SYN3: variants seen among roughly 807,000 people sequenced by gnomAD.
The protein encoded by SYN3 is synapsin-3.
A neutral mutation model predicts 65.8 loss-of-function variants in SYN3; 35 were observed. That is an observed-to-expected ratio of 0.53 (90% CI 0.41 to 0.70). The LOEUF (loss-of-function observed/expected upper bound fraction) is 0.70. Ranked by LOEUF, SYN3 falls within the 30% of genes least tolerant of loss-of-function variation. SYN3 has a pLI of 0.00. For synonymous variants in SYN3, 270 were observed against 292.9 expected, an observed-to-expected ratio of 0.92 and a Z score of 0.80; for missense variants, 680 against 749.0, an observed-to-expected ratio of 0.91 and a Z score of 1.08.
intron 6 of SYN3, among the ~76,000 whole-genome samples, chr22:32,831,578 A>G (rs919438645): frequency 2.0e-5 from 3 of 152,196 alleles, no homozygotes; most frequent in Admixed American, 6.5e-5. Context: ...ACCAAGGACT[A>G]GCATATAATT....
chr22:32,804,152 A>T (rs1205875277), intron 6 of SYN3, among the ~76,000 whole-genome samples: 1 of 152,218 alleles, frequency 6.6e-6, no homozygotes, highest in Non-Finnish European at 1.5e-5. Flanking sequence ...ATCAAAAAGA[A>T]AAAAAGAAAC....
chr22:32,681,864 T>C (rs955296334), intron 6 of SYN3, among the ~76,000 whole-genome samples: 28 of 152,152 alleles, frequency 1.8e-4, no homozygotes, highest in Non-Finnish European at 4.1e-4. Flanking sequence ...AAAAGAGGTA[T>C]GAAATGAACT....
In SYN3 at chr22:32,778,954, C is replaced by T. The variant is rs1444298548; in HGVS notation, c.711+85961G>A. ...TTATTCCATAAATATTTATTGAGCACCTCTTACGTGCCCAGCTTGCCTTAG... is the reference window on the plus strand; with the variant it reads ...TTATTCCATAAATATTTATTGAGCATCTCTTACGTGCCCAGCTTGCCTTAG... On this transcript the variant is annotated intron_variant, in intron 6 of 13. Coordinates refer to ENST00000358763, the MANE Select transcript of SYN3 (RefSeq NM_003490.4). Among the ~76,000 whole-genome samples the T allele has an allele frequency of 3.9e-5, 6 of 152,168 alleles. No homozygotes were observed. The South Asian group carries it at 6.2e-4, about 16-fold the overall frequency.
chr22:32,652,646 C>G (rs751707447), intron 6 of SYN3, among the ~76,000 whole-genome samples: 1 of 152,036 alleles, frequency 6.6e-6, no homozygotes, highest in Admixed American at 6.6e-5. Context: ...GTCAGTTCCT[C>G]GGAATTTATG....
chr22:32,623,123 T>TG (rs1320560316), intron 6 of SYN3, among the ~76,000 whole-genome samples: 2 of 152,060 alleles, frequency 1.3e-5, no homozygotes, highest in African/African-American at 4.8e-5. Flanking sequence ...AGTGAGATTG[T>TG]GAACCCCAGG....
intron 1 of SYN3, among the ~76,000 whole-genome samples, chr22:33,019,266 G>A (rs2053521932): frequency 6.6e-6 from 1 of 152,188 alleles, no homozygotes; most frequent in Non-Finnish European, 1.5e-5. Context: ...TCTTCCAAAA[G>A]TCCATATCCT....
intron 4 of SYN3, among the ~76,000 whole-genome samples, chr22:32,875,541 G>C (rs1035823487): frequency 1.3e-5 from 2 of 152,166 alleles, no homozygotes; most frequent in Non-Finnish European, 2.9e-5. Flanking sequence ...ACCTTATTTG[G>C]AAAATAGGGC....
At chr22:32,594,248 C>G (rs1390357249) in intron 7 of SYN3, among the ~76,000 whole-genome samples, 1 of 152,182 alleles carries the variant, frequency 6.6e-6, no homozygotes, top group Non-Finnish European at 1.5e-5. Context: ...GGGTGCCACT[C>G]AGGGCTCTGG....
At chr22:32,970,824 TC>T (rs1314836965) in intron 3 of SYN3, among the ~76,000 whole-genome samples, 32 of 152,340 alleles carry the variant, frequency 2.1e-4, no homozygotes, top group African/African-American at 7.2e-4. Context: ...GGATACGTAC[TC>T]AAGCTGGAAG....
At chr22:32,715,418 A>G (rs1429322225) in intron 6 of SYN3, among the ~76,000 whole-genome samples, 2 of 152,202 alleles carry the variant, frequency 1.3e-5, no homozygotes, top group African/African-American at 2.4e-5. Flanking sequence ...CACTTTGGGA[A>G]TTGCTGATGT....
chr22:32,856,784 G>A (rs1204744891), intron 6 of SYN3, among the ~76,000 whole-genome samples: 1 of 152,056 alleles, frequency 6.6e-6, no homozygotes, highest in Non-Finnish European at 1.5e-5. Context: ...TCGTATTTTT[G>A]TACCCATTAA....
intron 1 of SYN3, among the ~76,000 whole-genome samples, chr22:33,009,816 TATA>T (rs2053305453): frequency 2.7e-5 from 2 of 73,364 alleles, no homozygotes; most frequent in Non-Finnish European, 6.1e-5. Flanking sequence ...ATAATATAAA[TATA>T]ATATATATAA....
At chr22:32,695,915 C>T (rs1160923820) in intron 6 of SYN3, among the ~76,000 whole-genome samples, 2 of 152,106 alleles carry the variant, frequency 1.3e-5, no homozygotes, top group Admixed American at 1.3e-4. Context: ...AATCTGGTAA[C>T]ATATAGGACT....
intron 7 of SYN3, among the ~76,000 whole-genome samples, chr22:32,595,268 G>T (rs2059183152): frequency 6.6e-6 from 1 of 152,190 alleles, no homozygotes. Context: ...TTAGGGACCA[G>T]GTTGGGTGGC....
intron 6 of SYN3, among the ~76,000 whole-genome samples, chr22:32,819,725 G>A (rs1325771770): frequency 6.6e-6 from 1 of 152,128 alleles, no homozygotes; most frequent in East Asian, 1.9e-4. Context: ...CATATCTTTT[G>A]TTTTCGAAAG....
intron 2 of SYN3, among the ~76,000 whole-genome samples, chr22:33,004,097 G>A (rs949650385): frequency 2.0e-5 from 3 of 152,234 alleles, no homozygotes; most frequent in African/African-American, 7.2e-5. Context: ...AGGATGTATG[G>A]AAACACTTGG....
At chr22:32,552,055 C>T (rs113851332) in intron 7 of SYN3, among the ~76,000 whole-genome samples, 21 of 152,316 alleles carry the variant, frequency 1.4e-4, no homozygotes, top group African/African-American at 5.0e-4. Flanking sequence ...TGAGACCAGC[C>T]TGGCCAACAG....
intron 6 of SYN3, among the ~76,000 whole-genome samples, chr22:32,612,693 T>C (rs28592736): frequency 4.0e-5 from 6 of 151,744 alleles, no homozygotes; most frequent in African/African-American, 1.5e-4. Flanking sequence ...GAAAAAAAAA[T>C]TAGCCAGGCA....
intron 1 of SYN3, among the ~76,000 whole-genome samples, chr22:33,022,520 G>C (rs1448391106): frequency 6.6e-6 from 1 of 152,182 alleles, no homozygotes; most frequent in Non-Finnish European, 1.5e-5. Context: ...CACTGTCTTT[G>C]ATGAGTTCAA....
Sources: allele counts gnomAD v4.1 joint callset (sites outside exome capture counted in the v4.1 genomes callset), GRCh38; gene constraint gnomAD v4.1.1; transcripts MANE v1.5; gene names NCBI Gene and HGNC (gene_info 2026-07-23, HGNC 2026-07-21).